LCT: variants seen among roughly 807,000 people sequenced by gnomAD.
LCT encodes lactase.
In LCT, 90 loss-of-function variants were observed where a neutral mutation model predicts 173.0. The observed-to-expected ratio is 0.52, with a 90% CI of 0.44 to 0.62. The LOEUF (loss-of-function observed/expected upper bound fraction) is 0.62, where lower values mean the gene tolerates loss of function less well. Ranked by LOEUF, LCT falls within the 20% of genes least tolerant of loss-of-function variation. The probability of loss-of-function intolerance (pLI) is 0.00; values close to 1 mark genes in which losing one functional copy is unlikely to be tolerated. For missense variants in LCT, 1,864 were observed against 2,431.4 expected, an observed-to-expected ratio of 0.77 and a Z score of 4.91; for synonymous variants, 853 against 957.6, an observed-to-expected ratio of 0.89 and a Z score of 2.02.
chr2:135,831,388 CAGAG>C (rs111825752), intron 2 of LCT, among the ~76,000 whole-genome samples: 36,437 of 151,836 alleles, frequency 0.24, 5,151 homozygotes, highest in Middle Eastern at 0.4. Flanking sequence ...CAGAGAGAGA[CAGAG>C]AGAGAGGCCC....
At chr2:135,797,159 C>G (rs1199901609) in intron 13 of LCT, among the ~76,000 whole-genome samples, 6 of 151,792 alleles carry the variant, frequency 4.0e-5, no homozygotes, top group African/African-American at 1.5e-4. Flanking sequence ...TGTTGGCCAG[C>G]CTGGTCTTGA....
intron 1 of LCT, among the ~76,000 whole-genome samples, chr2:135,836,066 T>A (rs183437593): frequency 7.7e-4 from 114 of 148,934 alleles, no homozygotes; most frequent in African/African-American, 1.1e-3. Context: ...TCGCACAGGC[T>A]GTAGTACAGT....
chr2:135,809,247 C>G lies in LCT; in HGVS notation c.3100G>C (p.Glu1034Gln). ...PQALQDIGGW[E>Q]NPALIDLFDS... ...AACAAGTCAATCAAGGCAGGATTCT[C>G]CCAGCCTCCGATATCCTGGAGGGCC... Residue 1034 changes from glutamate (E) to glutamine (Q), a missense_variant, in exon 8 of 17, where the codon GAG becomes CAG. Glu to Gln is a conservative substitution (Grantham distance 29). This residue lies in a region of LCT where 755 missense variants were observed against 926.3 expected (regional missense o/e 0.82). Transcript: ENST00000264162. This position sits in a 1 kb window ranked among gnomAD's most constrained non-coding sequence, Gnocchi z 5.5. 6.2e-7 allele frequency: 1 copy of G among 1,614,200 alleles called. No individual in the cohort carries two copies. Among genetic ancestry groups the G allele is most frequent in the South Asian group, 1.1e-5 (1 of 91,084 alleles).
At chr2:135,807,076 G>T in intron 9 of LCT, 52 bp downstream of exon 9, 1 of 1,601,162 alleles carries the variant, frequency 6.2e-7, no homozygotes, top group South Asian at 1.1e-5. Context: ...CCCAGAGCCT[G>T]GCACAGGGCA....
At chr2:135,794,521 C>G in intron 14 of LCT, 120 bp downstream of exon 14, 1 of 1,089,702 alleles carries the variant, frequency 9.2e-7, no homozygotes, top group Non-Finnish European at 1.4e-6. Context: ...TCTTGCAAAC[C>G]CCGGCACATT....
At chr2:135,816,033 C>T (rs989564254) in intron 6 of LCT, among the ~76,000 whole-genome samples, 5 of 152,152 alleles carry the variant, frequency 3.3e-5, no homozygotes, top group Non-Finnish European at 7.4e-5. Context: ...GGAACCCAAA[C>T]AGTGACAGGG....
intron 5 of LCT, among the ~76,000 whole-genome samples, chr2:135,819,403 T>A (rs1006061133): frequency 3.3e-5 from 5 of 151,726 alleles, no homozygotes; most frequent in Non-Finnish European, 7.4e-5. Context: ...CCAGCAGAGG[T>A]CGGCCTTGAG....
In LCT at chr2:135,808,815, G is replaced by A. The variant is rs886054864; in HGVS notation, c.3532C>T (p.Leu1178=). The A allele has an allele frequency of 1.2e-6, 2 of 1,614,002 alleles. No individual in the cohort carries two copies. The highest frequency in any genetic ancestry group is 1.7e-6 in the Non-Finnish European group (2 of 1,179,892). Residue 1178 remains leucine, a synonymous_variant, in exon 8 of 17, where the codon CTG becomes TTG. Transcript: ENST00000264162. ...MKWKVGNRSE[L]QHLATSRLPS... is the part of the protein sequence containing the mutation. ...AGGCGGGAGGTGGCTAAGTGCTGCA[G>A]TTCACTCCTGTTCCCCACTTTCCAC... is the stretch of plus-strand genomic sequence containing the variant.
intron 3 of LCT, among the ~76,000 whole-genome samples, chr2:135,824,875 C>T (rs980943243): frequency 6.0e-5 from 9 of 150,066 alleles, no homozygotes; most frequent in Admixed American, 3.3e-4. Context: ...TGGTGGTGCA[C>T]GCCTGTAATA....
At chr2:135,806,521 A>C (rs2077676526) in intron 9 of LCT, among the ~76,000 whole-genome samples, 1 of 151,892 alleles carries the variant, frequency 6.6e-6, no homozygotes, top group African/African-American at 2.4e-5. Flanking sequence ...ACCCAAAGCA[A>C]CTCCCAGTCC....
At chr2:135,821,262 C>A (rs1171261343) in intron 5 of LCT, among the ~76,000 whole-genome samples, 1 of 152,176 alleles carries the variant, frequency 6.6e-6, no homozygotes, top group Non-Finnish European at 1.5e-5. Flanking sequence ...ACAACCCCAC[C>A]ATAGATTCAA....
At position 135,804,958 on chromosome 2, in the gene LCT, C is replaced by T. The variant is rs148051541; in HGVS notation, c.4273G>A (p.Ala1425Thr). 1 of 1,614,208 alleles carries T rather than the reference C, an allele frequency of 6.2e-7. No individual in the cohort carries two copies. Among genetic ancestry groups the T allele is most frequent in the African/African-American group, 1.3e-5 (1 of 75,070 alleles). ...GCAATCTTGTGATAACTGTCACAGG[C>T]CACGTCTCCAATGGCATCGTTCTCA... ...RVENDAIGDV[A>T]CDSYHKIAED... is the part of the protein sequence containing the mutation. Residue 1425 changes from alanine to threonine, a missense_variant, in exon 10 of 17, where the codon GCC (alanine) becomes ACC (threonine). Physicochemically the swap from Ala to Thr is moderately conservative, Grantham distance 58 (BLOSUM62 0). Transcript: ENST00000264162.
chr2:135,833,124 G>A lies in LCT; in HGVS notation c.707C>T (p.Ser236Phe), dbSNP rs1383390282. ...IPELLLEPPI[S>F]ALAQDTVDFL... ...GGCTGCTGTCACCTGGGCAAGCGCA[G>A]ATATGGGTGGTTCTAGCAGGAGCTC... Residue 236 changes from serine to phenylalanine, a missense_variant, in exon 2 of 17, where the codon TCT becomes TTT. Coordinates refer to ENST00000264162, the MANE Select transcript of LCT (RefSeq NM_002299.4). The A allele has an allele frequency of 6.8e-6, 11 of 1,613,640 alleles. No homozygotes were observed. The highest frequency in any genetic ancestry group is 9.3e-6 in the Non-Finnish European group (11 of 1,179,730).
chr2:135,796,739 A>G (rs2077585236), intron 13 of LCT, among the ~76,000 whole-genome samples: 1 of 152,154 alleles, frequency 6.6e-6, no homozygotes, highest in Middle Eastern at 3.2e-3. Flanking sequence ...GAGGAGCCGA[A>G]TGGAATCCTC....
At chr2:135,810,897 G>A (rs967981610) in intron 7 of LCT, among the ~76,000 whole-genome samples, 3 of 151,948 alleles carry the variant, frequency 2.0e-5, no homozygotes, top group African/African-American at 7.3e-5. Context: ...CGTGGTGACG[G>A]GAGCCTGTAG....
At chr2:135,799,238 C>T (rs1441822586) in intron 12 of LCT, among the ~76,000 whole-genome samples, 4 of 152,122 alleles carry the variant, frequency 2.6e-5, no homozygotes, top group South Asian at 2.1e-4. Flanking sequence ...GTGTTTCCCC[C>T]GAGAGAGTTA....
chr2:135,792,344 T>G (rs2077539290), intron 14 of LCT, among the ~76,000 whole-genome samples: 1 of 152,164 alleles, frequency 6.6e-6, no homozygotes, highest in African/African-American at 2.4e-5. Context: ...TTAAGGAAGC[T>G]TCTAGCTCAA....
At position 135,836,719 on chromosome 2, in the gene LCT, A is replaced by G. The variant is rs768664420; in HGVS notation, c.451T>C (p.Phe151Leu). ...LRRTEAFADL[F>L]ADYATFAFHS... Reference sequence around the variant, plus strand: ...AAGGCGAATGTGGCATAGTCGGCGAAGAGGTCAGCAAAGGCTTCGGTTCTC... The same window carrying G: ...AAGGCGAATGTGGCATAGTCGGCGAGGAGGTCAGCAAAGGCTTCGGTTCTC... Residue 151 changes from phenylalanine to leucine, a missense_variant, in exon 1 of 17, where the codon TTC becomes CTC. Phe to Leu is a conservative substitution (Grantham distance 22, BLOSUM62 0). This residue lies in a region of LCT where 412 missense variants were observed against 462.0 expected (regional missense o/e 0.89). Transcript: ENST00000264162. The G allele has an allele frequency of 2.5e-6, 4 of 1,614,168 alleles. No individual in the cohort carries two copies. The South Asian group carries it at 4.4e-5, about 18-fold the overall frequency.
At chr2:135,822,828 G>T (rs60376570) in intron 4 of LCT, 2 of 153,220 alleles carry the variant, frequency 1.3e-5, no homozygotes, top group Non-Finnish European at 2.9e-5. Flanking sequence ...TGAGGGATCC[G>T]CCTTCAGGGA....
Sources: allele counts gnomAD v4.1 joint callset (sites outside exome capture counted in the v4.1 genomes callset), GRCh38; gene constraint gnomAD v4.1.1; regional missense constraint gnomAD v4.1.1; non-coding constraint Gnocchi (gnomAD v3.1); transcripts MANE v1.5; gene names NCBI Gene and HGNC (gene_info 2026-07-23, HGNC 2026-07-21).